The following CAMTA1 variants were observed in gnomAD, a reference collection of about 807,000 sequenced individuals.
CAMTA1 encodes calmodulin-binding transcription activator 1.
Under a neutral mutation model 170.9 loss-of-function variants are expected in CAMTA1, and 27 were observed. That is an observed-to-expected ratio of 0.16 (90% CI 0.12 to 0.22). The LOEUF (loss-of-function observed/expected upper bound fraction) is 0.22. Ranked by LOEUF, CAMTA1 falls within the 10% of genes least tolerant of loss-of-function variation. The pLI is 1.00. For synonymous variants in CAMTA1, 833 were observed against 891.5 expected (o/e 0.93, Z 1.17); for missense variants, 1,619 against 2,217.2 (o/e 0.73, Z 5.42).
chr1:6,974,389 T>A (rs1693053297), intron 3 of CAMTA1, among the ~76,000 whole-genome samples: 1 of 152,248 alleles, frequency 6.6e-6, no homozygotes, highest in African/African-American at 2.4e-5. Context: ...GGAGGGTCTC[T>A]AGCTTGGAGA....
intron 5 of CAMTA1, among the ~76,000 whole-genome samples, chr1:7,256,624 A>C (rs565441643): frequency 3.8e-4 from 58 of 152,338 alleles, no homozygotes; most frequent in Admixed American, 1.8e-3. Flanking sequence ...CTGAGTTCAC[A>C]AAGGCCTGGC....
chr1:7,496,078 G>A (rs1453894045), intron 6 of CAMTA1, among the ~76,000 whole-genome samples: 3 of 152,198 alleles, frequency 2.0e-5, no homozygotes, highest in Admixed American at 6.5e-5. Context: ...GGAGGGGAGC[G>A]GCCTGTGCAG....
chr1:7,618,876 T>C (rs1418871051), intron 6 of CAMTA1, among the ~76,000 whole-genome samples: 1 of 152,240 alleles, frequency 6.6e-6, no homozygotes, highest in African/African-American at 2.4e-5. Context: ...TGGATTTCAA[T>C]GTAGAGCCAT....
At chr1:7,428,792 C>T (rs1398796608) in intron 5 of CAMTA1, among the ~76,000 whole-genome samples, 1 of 152,008 alleles carries the variant, frequency 6.6e-6, no homozygotes, top group Non-Finnish European at 1.5e-5. Context: ...TCTTGTATTG[C>T]GTGGCCTTTG....
intron 6 of CAMTA1, among the ~76,000 whole-genome samples, chr1:7,478,333 G>C (rs2093456666): frequency 6.6e-6 from 1 of 152,178 alleles, no homozygotes; most frequent in East Asian, 1.9e-4. Flanking sequence ...TCTGGTGTCT[G>C]GCTGAGTGAG....
intron 4 of CAMTA1, among the ~76,000 whole-genome samples, chr1:7,236,789 C>T (rs1009076038): frequency 2.0e-5 from 3 of 152,212 alleles, no homozygotes; most frequent in African/African-American, 7.2e-5. Context: ...GGCCACGTAC[C>T]TCTAATGGTG....
intron 5 of CAMTA1, among the ~76,000 whole-genome samples, chr1:7,410,315 C>T (rs1244611968): frequency 6.6e-6 from 1 of 152,198 alleles, no homozygotes; most frequent in African/African-American, 2.4e-5. Flanking sequence ...GGGCCCAGGG[C>T]CTGCGGCAGA....
intron 5 of CAMTA1, chr1:7,382,469 C>T (rs915142633): frequency 4.6e-5 from 7 of 152,228 alleles, no homozygotes; most frequent in African/African-American, 1.2e-4. Flanking sequence ...TGCCATCATT[C>T]CCCAGGACAG....
chr1:7,087,921 T>C (rs997993496), intron 3 of CAMTA1, among the ~76,000 whole-genome samples: 1 of 152,218 alleles, frequency 6.6e-6, no homozygotes, highest in African/African-American at 2.4e-5. Flanking sequence ...TTTCGTTCTT[T>C]AGCGAATCTC....
At chr1:7,503,209 C>T (rs1402633244) in intron 6 of CAMTA1, among the ~76,000 whole-genome samples, 4 of 152,190 alleles carry the variant, frequency 2.6e-5, no homozygotes, top group East Asian at 3.9e-4. Flanking sequence ...AAAAGTGCCC[C>T]GGGCTCTGCT....
At chr1:6,890,978 A>C (rs1275225543) in intron 3 of CAMTA1, among the ~76,000 whole-genome samples, 1 of 152,198 alleles carries the variant, frequency 6.6e-6, no homozygotes, top group East Asian at 1.9e-4. Flanking sequence ...GAGTTTCTTT[A>C]GCTGTGAAAT....
rs151056781 is a variant in CAMTA1, at chr1:7,377,426, C to T, written c.439-90404C>T. Among the ~76,000 whole-genome samples the T allele has an allele frequency of 8.5e-5, 13 of 152,288 alleles. No individual in the cohort carries two copies. In the East Asian group the frequency reaches 2.5e-3, roughly 29 times the overall value. On this transcript the variant is annotated intron_variant, in intron 5 of 22. Coordinates refer to ENST00000303635, the MANE Select transcript of CAMTA1 (RefSeq NM_015215.4). ...GTTCTCTATTCTCAGGCCGACTTCC[C>T]TGTGTTAGTAAAATGACTGTAGTCA...
intron 4 of CAMTA1, among the ~76,000 whole-genome samples, chr1:7,208,341 A>G (rs911390623): frequency 2.6e-5 from 4 of 152,364 alleles, no homozygotes; most frequent in Admixed American, 2.6e-4. Context: ...AAAATTCTGC[A>G]ATGATCAGGT....
Position 7,663,797 on chromosome 1 carries a change from G to A in CAMTA1, c.1250G>A (p.Gly417Asp). The change falls in exon 9 of 23, where the codon GGC becomes GAC. Residue 417 changes from glycine (G) to aspartate (D), a missense_variant. By Grantham distance (94) the Gly-to-Asp change is moderately conservative. Coordinates refer to ENST00000303635, the MANE Select transcript of CAMTA1 (RefSeq NM_015215.4). ...GTGTACACCATGTCCCCCACCGCTGGCCCCAACCACCACCTCCTCTCACCT... is the reference window on the plus strand; with the variant it reads ...GTGTACACCATGTCCCCCACCGCTGACCCCAACCACCACCTCCTCTCACCT... ...EAVYTMSPTAGPNHHLLSPDA... is the reference protein window; with the variant it reads ...EAVYTMSPTADPNHHLLSPDA... 3 of 1,614,086 alleles carry A rather than the reference G, an allele frequency of 1.9e-6. No homozygotes were observed. The highest frequency in any genetic ancestry group is 1.3e-5 in the African/African-American group (1 of 75,012).
At chr1:7,481,496 A>C (rs968349499) in intron 6 of CAMTA1, among the ~76,000 whole-genome samples, 3 of 151,976 alleles carry the variant, frequency 2.0e-5, no homozygotes, top group Non-Finnish European at 4.4e-5. Flanking sequence ...CTCCACATCA[A>C]AGCCCTCTTG....
chr1:6,861,475 A>ATT (rs1664670608), intron 3 of CAMTA1, among the ~76,000 whole-genome samples: 1 of 152,182 alleles, frequency 6.6e-6, no homozygotes, highest in Non-Finnish European at 1.5e-5. Context: ...AAATAAGAAT[A>ATT]TTTGTAGGAC....
rs115627756 is a variant in CAMTA1, at chr1:7,154,796, A to G, written c.302+63425A>G. Among the ~76,000 whole-genome samples the G allele has an allele frequency of 7.9e-3, 1,197 of 152,228 alleles. 9 individuals carry two copies. The highest frequency in any genetic ancestry group is 0.011 in the Non-Finnish European group (727 of 68,016). On this transcript the variant is annotated intron_variant, in intron 4 of 22. Transcript: ENST00000303635. The stretch of plus-strand genomic sequence containing the variant: ...GTCTCTTTGGGTTTATTGGACTCCA[A>G]ATCTTTACTGTCCAGGAGTTAAAAG...
At chr1:7,737,842 C>T (rs2096783220) in intron 15 of CAMTA1, 117 bp from the exon 16 acceptor site, 16 of 1,011,880 alleles carry the variant, frequency 1.6e-5, no homozygotes, top group South Asian at 8.1e-5. Flanking sequence ...ATGTTAGGGA[C>T]GTGTCTTGAG....
chr1:7,408,378 C>A (rs2090453449), intron 5 of CAMTA1, among the ~76,000 whole-genome samples: 1 of 152,218 alleles, frequency 6.6e-6, no homozygotes, highest in African/African-American at 2.4e-5. Flanking sequence ...AGCAGCGGGG[C>A]TGGTGGGGTC....
Sources: allele counts gnomAD v4.1 joint callset (sites outside exome capture counted in the v4.1 genomes callset), GRCh38; gene constraint gnomAD v4.1.1; transcripts MANE v1.5; gene names NCBI Gene and HGNC (gene_info 2026-07-23, HGNC 2026-07-21).